The following CASP10 variants were observed in gnomAD, a reference collection of about 807,000 sequenced individuals.
The protein encoded by CASP10 is caspase-10.
A neutral mutation model predicts 48.5 loss-of-function variants in CASP10; 41 were observed. The observed-to-expected ratio is 0.85, with a 90% confidence interval of 0.66 to 1.10. The LOEUF (loss-of-function observed/expected upper bound fraction) is 1.10, where lower values mean the gene tolerates loss of function less well. CASP10 is among the 50% of genes least tolerant of loss of function. CASP10 has a pLI of 0.00. For synonymous variants in CASP10, 232 were observed against 238.4 expected, an observed-to-expected ratio of 0.97 and a Z score of 0.25; for missense variants, 614 against 614.5, an observed-to-expected ratio of 1.00 and a Z score of 0.01.
At chr2:201,228,889 C>A in intron 9 of CASP10, 1 of 1,596,940 alleles carries the variant, frequency 6.3e-7, no homozygotes, top group Non-Finnish European at 8.6e-7. Context: ...TGTGAAAAAC[C>A]ACTCAGTCAA....
chr2:201,209,578 T>C lies in CASP10; in HGVS notation c.1415+16T>C, dbSNP rs201336330. ...TGGTCCCAAGGTGAGAGCTCTTTTT[T>C]TTCTTCCATTTGTAATTAATTAGTT... On this transcript the variant is annotated intron_variant, in intron 9 of 9. Transcript: ENST00000286186. The C allele has an allele frequency of 1.0e-4, 165 of 1,595,316 alleles. 5 individuals are homozygous for C. The African/African-American group carries it at 2.2e-3, about 21-fold the overall frequency.
chr2:201,198,676 G>A (rs373782292), intron 5 of CASP10, among the ~76,000 whole-genome samples: 3 of 151,320 alleles, frequency 2.0e-5, no homozygotes, highest in African/African-American at 7.3e-5. Flanking sequence ...AAGTAGCTGG[G>A]ACCACAGGCG....
chr2:201,193,124 G>T lies in CASP10; in HGVS notation c.577+5G>T. ...AGAAATACAAAAGAGAGAAAGGTAA[G>T]TAGCTTGTGATTGCTAACTTGGACC... On this transcript the variant is annotated splice_donor_5th_base_variant and intron_variant, in intron 4 of 9. Transcript: ENST00000286186. 6.2e-7 allele frequency: 1 copy of T among 1,613,142 alleles called. No homozygotes were observed. The highest frequency in any genetic ancestry group is 8.5e-7 in the Non-Finnish European group (1 of 1,179,370).
chr2:201,225,651 T>C (rs1239100391), downstream of CASP10, among the ~76,000 whole-genome samples: 1 of 152,196 alleles, frequency 6.6e-6, no homozygotes, highest in Non-Finnish European at 1.5e-5. Context: ...TTGACTATTT[T>C]AAAACATCAA....
In CASP10 at chr2:201,221,233, T is replaced by A; in HGVS notation, c.*3492T>A. On this transcript the variant is annotated 3_prime_UTR_variant, in exon 10 of 10. Coordinates refer to ENST00000286186, the MANE Select transcript of CASP10 (RefSeq NM_032977.4). ...TAATTCTTCCCTCACTGGTTCGTGATGTCTACCGCAGCAGAAGGCCAGCTC... is the reference window on the plus strand; with the variant it reads ...TAATTCTTCCCTCACTGGTTCGTGAAGTCTACCGCAGCAGAAGGCCAGCTC... 4 of 985,490 alleles carry A rather than the reference T, an allele frequency of 4.1e-6. No individual in the cohort carries two copies. Among genetic ancestry groups the A allele is most frequent in the Non-Finnish European group, 4.8e-6 (4 of 829,962 alleles). The allele number at this position is 985,490 out of a possible 1,614,324, so 61.0% of individuals were successfully genotyped here.
At chr2:201,228,925 C>T (rs751200228) in intron 9 of CASP10, 1 of 1,613,862 alleles carries the variant, frequency 6.2e-7, no homozygotes, top group Non-Finnish European at 8.5e-7. Context: ...TCTCTTTGTG[C>T]TCAGTAGGAT....
chr2:201,203,299 ATGAAC>A lies in CASP10; in HGVS notation c.685-429_685-425del, dbSNP rs200404182. Among the ~76,000 whole-genome samples the A allele has an allele frequency of 5.1e-3, 744 of 145,802 alleles. 4 individuals are homozygous for A. The highest frequency in any genetic ancestry group is 0.017 in the African/African-American group (677 of 39,400). On this transcript the variant is annotated intron_variant, in intron 5 of 9. Coordinates refer to ENST00000286186, the MANE Select transcript of CASP10 (RefSeq NM_032977.4). The stretch of plus-strand genomic sequence containing the variant: ...TTGGTTCTCTTCCCATTTCCTGCCA[ATGAAC>A]TTTCTTTTTTTTTTTTTTTTGAGAC...
intron 3 of CASP10, 71 bp from the exon 4 acceptor site, chr2:201,192,913 C>A: frequency 6.7e-7 from 1 of 1,490,552 alleles, no homozygotes; most frequent in Non-Finnish European, 9.3e-7. Context: ...GCCTACTGGC[C>A]ATGCAGATAA....
In CASP10 at chr2:201,197,149, T is replaced by A. The variant is rs185033549; in HGVS notation, c.684+1201T>A. ...ATAATGTATTTATTTTTATTTAAAA[T>A]TTTTTTTTATAGAGATAAGGTTTTG... On this transcript the variant is annotated intron_variant, in intron 5 of 9. Coordinates refer to ENST00000286186, the MANE Select transcript of CASP10 (RefSeq NM_032977.4). 1.2e-3 allele frequency among the ~76,000 whole-genome samples: 175 copies of A among 151,880 alleles called. 1 individual carries two copies. In the East Asian group the frequency reaches 0.026, roughly 22 times the overall value.
At chr2:201,222,770 G>C (rs1454408488), downstream of CASP10, among the ~76,000 whole-genome samples, 1 of 152,104 alleles carries the variant, frequency 6.6e-6, no homozygotes, top group Non-Finnish European at 1.5e-5. Context: ...GTACGCTGTG[G>C]TACCGACCCA....
At position 201,193,080 on chromosome 2, in the gene CASP10, A is replaced by C. The variant is rs1944666244; in HGVS notation, c.538A>C (p.Lys180Gln). Residue 180 changes from lysine to glutamine, a missense_variant, in exon 4 of 10, where the codon AAA (lysine) becomes CAA (glutamine). By Grantham distance (53) the Lys-to-Gln change is moderately conservative (BLOSUM62 1). Coordinates refer to ENST00000286186, the MANE Select transcript of CASP10 (RefSeq NM_032977.4). Reference sequence around the variant, plus strand: ...GGACCTCTGCAAAACAGTTGTACCTAAACTTTTGAGAAACATAGAGAAATA... The same window carrying C: ...GGACCTCTGCAAAACAGTTGTACCTCAACTTTTGAGAAACATAGAGAAATA... ...LEDLCKTVVP[K>Q]LLRNIEKYKR... 6.2e-7 allele frequency: 1 copy of C among 1,613,838 alleles called. No homozygotes were observed.
chr2:201,206,867 T>G (rs888542833), intron 7 of CASP10, among the ~76,000 whole-genome samples: 2 of 152,208 alleles, frequency 1.3e-5, no homozygotes, highest in African/African-American at 4.8e-5. Context: ...ATGAAATCCT[T>G]GTGTATGCTT....
At chr2:201,205,131 T>A (rs989071187) in intron 6 of CASP10, among the ~76,000 whole-genome samples, 5 of 152,174 alleles carry the variant, frequency 3.3e-5, no homozygotes, top group African/African-American at 1.2e-4. Flanking sequence ...TCCAGAGGAA[T>A]CAGGGAGTTG....
chr2:201,208,130 A>G lies in CASP10; in HGVS notation c.869A>G (p.Asn290Ser), dbSNP rs1231555191. 2 of 1,614,112 alleles carry G rather than the reference A, an allele frequency of 1.2e-6. No individual in the cohort carries two copies. Among genetic ancestry groups the G allele is most frequent in the South Asian group, 1.1e-5 (1 of 91,082 alleles). ...CACAGAGGCCTCTGTGTCATTGTCAACAACCACAGCTTTACCTCCCTGAAG... is the reference window on the plus strand; with the variant it reads ...CACAGAGGCCTCTGTGTCATTGTCAGCAACCACAGCTTTACCTCCCTGAAG... ...RNHRGLCVIVNNHSFTSLKDR... is the reference protein window; with the variant it reads ...RNHRGLCVIVSNHSFTSLKDR... Residue 290 changes from asparagine to serine, a missense_variant, in exon 8 of 10, where the codon AAC (asparagine) becomes AGC (serine). Coordinates refer to ENST00000286186, the MANE Select transcript of CASP10 (RefSeq NM_032977.4).
At position 201,215,680 on chromosome 2, in the gene CASP10, G is replaced by GGT. The variant is rs1258744745; in HGVS notation, c.1416-1906_1416-1905dup. Among the ~76,000 whole-genome samples the GGT allele has an allele frequency of 3.3e-5, 5 of 152,152 alleles. No homozygotes were observed. The East Asian group carries it at 5.8e-4, about 18-fold the overall frequency. On this transcript the variant is annotated intron_variant, in intron 9 of 9. Coordinates refer to ENST00000286186, the MANE Select transcript of CASP10 (RefSeq NM_032977.4). ...AGATTTGTAGTATATTTTGAAGTCA[G>GGT]GTGGTGGGATGCCTCCAGTTTTGTT...
downstream of CASP10, among the ~76,000 whole-genome samples, chr2:201,226,075 ATCT>A (rs1033857173): frequency 6.6e-6 from 1 of 152,230 alleles, no homozygotes; most frequent in African/African-American, 2.4e-5. Context: ...TATATATATA[ATCT>A]TCTATAAATC....
In CASP10 at chr2:201,205,882, G is replaced by C. The variant is rs149367331; in HGVS notation, c.722G>C (p.Gly241Ala). The change falls in exon 7 of 10, where the codon GGT (glycine) becomes GCT (alanine). Residue 241 changes from glycine to alanine, a missense_variant and splice_region_variant. Physicochemically the swap from Gly to Ala is moderately conservative, Grantham distance 60. Transcript: ENST00000286186. The part of the protein sequence containing the change: ...SWQNKHAGSN[G>A]NRATNGAPSL... ...GGAGTCTGAGTACCTCTCTTTCTAG[G>C]TAACAGAGCCACAAATGGTGCACCA... 3 of 1,594,690 alleles carry C rather than the reference G, an allele frequency of 1.9e-6. No individual in the cohort carries two copies. The highest frequency in any genetic ancestry group is 2.6e-6 in the Non-Finnish European group (3 of 1,162,358).
At chr2:201,191,253 ATGATCTTGTTTTTC>A (rs1385417944) in intron 3 of CASP10, among the ~76,000 whole-genome samples, 1 of 152,156 alleles carries the variant, frequency 6.6e-6, no homozygotes, top group Non-Finnish European at 1.5e-5. Flanking sequence ...ATGTGGCCAA[ATGATCTTGTTTTTC>A]TCAGTATAAC....
chr2:201,187,592 T>C, intron 2 of CASP10, 114 bp from the exon 3 acceptor site: 1 of 829,214 alleles, frequency 1.2e-6, no homozygotes, highest in East Asian at 2.4e-5. Context: ...AATAATTGTC[T>C]ACACATAGAG....
Sources: allele counts gnomAD v4.1 joint callset (sites outside exome capture counted in the v4.1 genomes callset), GRCh38; gene constraint gnomAD v4.1.1; transcripts MANE v1.5; gene names NCBI Gene and HGNC (gene_info 2026-07-23, HGNC 2026-07-21).